The following TSPEAR variants were observed in gnomAD, a reference collection of about 807,000 sequenced individuals.
The protein encoded by TSPEAR is thrombospondin type laminin G domain and EAR repeats.
In TSPEAR, 69 loss-of-function variants were observed where a neutral mutation model predicts 71.6. That is an observed-to-expected ratio of 0.96 (90% confidence interval 0.79 to 1.18). The LOEUF is 1.18. TSPEAR is among the 50% of genes most tolerant of loss of function. The pLI is 0.00. For missense variants in TSPEAR, 971 were observed against 894.9 expected (o/e 1.09, Z -1.09); for synonymous variants, 402 against 387.2 (o/e 1.04, Z -0.45).
In TSPEAR at chr21:44,601,849, T is replaced by A. The variant is rs1980954449; in HGVS notation, c.83-33844A>T. Reference sequence around the variant, plus strand: ...TCCTAAGCCCTGCAGTGGACGTCAGTGGTCAGCTGGCCATCCAGTGTGCGC... The same window carrying A: ...TCCTAAGCCCTGCAGTGGACGTCAGAGGTCAGCTGGCCATCCAGTGTGCGC... On this transcript the variant is annotated intron_variant, in intron 1 of 11. Coordinates refer to ENST00000323084, the MANE Select transcript of TSPEAR (RefSeq NM_144991.3). The A allele has an allele frequency of 3.6e-6, 5 of 1,396,100 alleles. No individual in the cohort carries two copies. The South Asian group carries it at 5.8e-5, about 16-fold the overall frequency. The allele number at this position is 1,396,100 out of a possible 1,614,324, so 86.5% of individuals were successfully genotyped here. A position where few individuals can be genotyped will look rare whatever the true frequency, so the allele number is the denominator to read the frequency against.
At chr21:44,619,436 G>A (rs1982310237) in intron 1 of TSPEAR, among the ~76,000 whole-genome samples, 1 of 152,220 alleles carries the variant, frequency 6.6e-6, no homozygotes, top group African/African-American at 2.4e-5. Context: ...TTTCACCAGA[G>A]GCATGTGCCA....
chr21:44,654,731 C>T, intron 1 of TSPEAR: 1 of 690,886 alleles, frequency 1.4e-6, no homozygotes, highest in South Asian at 2.0e-5. Flanking sequence ...CTGGCATCTT[C>T]CTCGTGGGTG....
intron 1 of TSPEAR, among the ~76,000 whole-genome samples, chr21:44,626,872 G>A (rs1463750930): frequency 6.7e-6 from 1 of 149,512 alleles, no homozygotes; most frequent in Non-Finnish European, 1.5e-5. Flanking sequence ...CCAGAACCCA[G>A]CTGGGATCAG....
intron 2 of TSPEAR, chr21:44,540,323 T>C (rs1458609311): frequency 9.0e-7 from 1 of 1,110,126 alleles, no homozygotes; most frequent in Non-Finnish European, 1.3e-6. Context: ...TCCTGGTTGC[T>C]GAGAGGTGGC....
intron 1 of TSPEAR, among the ~76,000 whole-genome samples, chr21:44,705,992 T>G (rs959203600): frequency 1.3e-5 from 2 of 152,126 alleles, no homozygotes; most frequent in Admixed American, 6.5e-5. Flanking sequence ...AGCTTTAAAA[T>G]TTCTCTCTTT....
chr21:44,665,408 C>G (rs782308868), intron 1 of TSPEAR, among the ~76,000 whole-genome samples: 5 of 152,174 alleles, frequency 3.3e-5, no homozygotes, highest in Non-Finnish European at 7.4e-5. Context: ...GCAGAGCCCC[C>G]CAGGAGGGGA....
At chr21:44,699,071 G>A (rs13048736) in intron 1 of TSPEAR, among the ~76,000 whole-genome samples, 37,845 of 152,010 alleles carry the variant, frequency 0.25, 5,206 homozygotes, top group Admixed American at 0.34. Context: ...CATGGCACGC[G>A]CCTGTGGTAC....
intron 1 of TSPEAR, among the ~76,000 whole-genome samples, chr21:44,635,639 G>T (rs1301097053): frequency 6.6e-6 from 1 of 152,118 alleles, no homozygotes; most frequent in Admixed American, 6.6e-5. Context: ...AAGCAGAATA[G>T]TATTGGTTGC....
At chr21:44,501,255 G>A (rs139960760) in intron 11 of TSPEAR, among the ~76,000 whole-genome samples, 1 of 151,556 alleles carries the variant, frequency 6.6e-6, no homozygotes, top group Non-Finnish European at 1.5e-5. Context: ...TTCGAGAACA[G>A]CCTGGCCAAC....
At chr21:44,669,277 G>C (rs2146279070) in intron 1 of TSPEAR, among the ~76,000 whole-genome samples, 1 of 152,236 alleles carries the variant, frequency 6.6e-6, no homozygotes. Context: ...ACAAAAATTA[G>C]CTGGGTGTGG....
chr21:44,597,634 G>C (rs191536313), intron 1 of TSPEAR, among the ~76,000 whole-genome samples: 6 of 152,040 alleles, frequency 3.9e-5, no homozygotes, highest in Admixed American at 2.0e-4. Context: ...GCTTTACCAC[G>C]TTGGCCAGGC....
chr21:44,539,571 A>G (rs782780115), intron 2 of TSPEAR: 14 of 1,613,646 alleles, frequency 8.7e-6, no homozygotes, highest in Middle Eastern at 1.7e-4. Context: ...ATGGGCTTGC[A>G]GCAGACAGGC....
chr21:44,600,650 C>G (rs1555928353), intron 1 of TSPEAR: 1 of 1,613,632 alleles, frequency 6.2e-7, no homozygotes, highest in African/African-American at 1.3e-5. Context: ...TCTGTCTGCT[C>G]CAGCGACCTG....
At position 44,611,564 on chromosome 21, in the gene TSPEAR, C is replaced by T. The variant is rs111232613; in HGVS notation, c.83-43559G>A. Among the ~76,000 whole-genome samples the T allele has an allele frequency of 3.8e-3, 573 of 152,152 alleles. 2 individuals carry two copies. The highest frequency in any genetic ancestry group is 0.013 in the African/African-American group (536 of 41,480). On this transcript the variant is annotated intron_variant, in intron 1 of 11. Coordinates refer to ENST00000323084, the MANE Select transcript of TSPEAR (RefSeq NM_144991.3). ...TGAAAATGGACTAATACAGGGGCAT[C>T]GCACCATAGTTTGCAGATGGAACAG...
intron 9 of TSPEAR, chr21:44,519,030 G>GTT (rs587613806): frequency 2.6e-4 from 45 of 171,544 alleles, no homozygotes; most frequent in Middle Eastern, 2.6e-3. Context: ...TGCTTTTGTT[G>GTT]TTTTTTTTTT....
intron 2 of TSPEAR, chr21:44,539,291 G>C (rs2053155453): frequency 6.2e-7 from 1 of 1,606,446 alleles, no homozygotes; most frequent in Non-Finnish European, 8.5e-7. Flanking sequence ...CTCCTGGCCT[G>C]AGCAGAGGCC....
rs1254933443 is a variant in TSPEAR, at chr21:44,695,415, T to C, written c.82+16018A>G. On this transcript the variant is annotated intron_variant, in intron 1 of 11. Coordinates refer to ENST00000323084, the MANE Select transcript of TSPEAR (RefSeq NM_144991.3). This position sits in a 1 kb window ranked among gnomAD's most constrained non-coding sequence, Gnocchi z 4.5. ...GTCATGACACACAGCAGGAAATGAATGCACGACTCAGGCCAGAGGCATCAG... is the reference window on the plus strand; with the variant it reads ...GTCATGACACACAGCAGGAAATGAACGCACGACTCAGGCCAGAGGCATCAG... Among the ~76,000 whole-genome samples the C allele has an allele frequency of 1.3e-5, 2 of 152,094 alleles. No homozygotes were observed. The highest frequency in any genetic ancestry group is 2.9e-5 in the Non-Finnish European group (2 of 68,004).
intron 1 of TSPEAR, among the ~76,000 whole-genome samples, chr21:44,652,723 C>T (rs1244370955): frequency 2.6e-5 from 4 of 152,266 alleles, no homozygotes; most frequent in East Asian, 1.9e-4. Context: ...GATTCTCAAA[C>T]ATTAAGGCGT....
rs782116615 is a variant in TSPEAR, at chr21:44,591,499, G to A, written c.83-23494C>T. Reference sequence around the variant, plus strand: ...CGTGCGGCAGCAGCTGGGCTGGCAGGAGGAGGCAGAGGCACCACAGGAGGG... The same window carrying A: ...CGTGCGGCAGCAGCTGGGCTGGCAGAAGGAGGCAGAGGCACCACAGGAGGG... On this transcript the variant is annotated intron_variant, in intron 1 of 11. Coordinates refer to ENST00000323084, the MANE Select transcript of TSPEAR (RefSeq NM_144991.3). 4.3e-6 allele frequency: 7 copies of A among 1,614,074 alleles called. No homozygotes were observed. Among genetic ancestry groups the A allele is most frequent in the Non-Finnish European group, 5.9e-6 (7 of 1,180,002 alleles).
Sources: allele counts gnomAD v4.1 joint callset (sites outside exome capture counted in the v4.1 genomes callset), GRCh38; gene constraint gnomAD v4.1.1; non-coding constraint Gnocchi (gnomAD v3.1); transcripts MANE v1.5; gene names NCBI Gene and HGNC (gene_info 2026-07-23, HGNC 2026-07-21).